The following KLRG1 variants were observed in gnomAD, a reference collection of about 807,000 sequenced individuals.
KLRG1 encodes the protein killer cell lectin-like receptor subfamily G member 1.
KLRG1 carries 16 observed loss-of-function variants against 21.8 expected under a neutral mutation model. The ratio of observed to expected loss-of-function variants is 0.73; its 90% confidence interval spans 0.50 to 1.11. KLRG1 has a LOEUF of 1.11. Among genes scored for constraint, KLRG1 ranks in the 50% most tolerant of loss-of-function variants. The pLI is 0.00. For synonymous variants in KLRG1, 69 were observed against 75.9 expected (o/e 0.91, Z 0.47); for missense variants, 173 against 218.3 (o/e 0.79, Z 1.31).
chr12:9,123,417 C>T, the KLRG1 span, among the ~76,000 whole-genome samples: 1 of 152,028 alleles, frequency 6.6e-6, no homozygotes, highest in Non-Finnish European at 1.5e-5. Flanking sequence ...ATTATTTGAA[C>T]ATAAGCCCTG....
chr12:8,990,438 T>G (rs955541597), intron 1 of KLRG1: 6 of 152,126 alleles, frequency 3.9e-5, no homozygotes, highest in Non-Finnish European at 2.9e-5. Flanking sequence ...TCCCTAAGCT[T>G]TCTCTCTTTT....
the KLRG1 span, among the ~76,000 whole-genome samples, chr12:9,075,048 C>A: frequency 2.0e-5 from 3 of 152,130 alleles, no homozygotes; most frequent in Non-Finnish European, 2.9e-5. Flanking sequence ...AAAGAAATGG[C>A]ACAGCAGTTG....
At chr12:9,210,163 G>A in the KLRG1 span, among the ~76,000 whole-genome samples, 1 of 152,044 alleles carries the variant, frequency 6.6e-6, no homozygotes, top group East Asian at 1.9e-4. Context: ...ACATGGATTT[G>A]AATACCCATC....
At chr12:9,098,818 G>T in the KLRG1 span, 2 of 1,561,494 alleles carry the variant, frequency 1.3e-6, no homozygotes, top group Non-Finnish European at 1.7e-6. Flanking sequence ...GCATTCACTC[G>T]CATTTGCAGA....
At position 9,009,523 on chromosome 12, in the gene KLRG1, A is replaced by G. The variant is rs1947583484; in HGVS notation, c.556A>G (p.Lys186Glu). ...AGTTCCTTTACACTGGGTGTGTAAGAAGGTCAGACTTTGATAGATGACCAC... is the reference window on the plus strand; with the variant it reads ...AGTTCCTTTACACTGGGTGTGTAAGGAGGTCAGACTTTGATAGATGACCAC... ...CEVPLHWVCK[K>E]VRL The change falls in exon 5 of 5, where the codon AAG becomes GAG. Residue 186 changes from lysine (K) to glutamate (E), a missense_variant. Around this residue, in one of 3 missense-constraint regions of KLRG1, gnomAD observed 26 missense variants for 36.9 expected, o/e 0.70. Coordinates refer to ENST00000356986, the MANE Select transcript of KLRG1 (RefSeq NM_005810.4). 6.2e-7 allele frequency: 1 copy of G among 1,613,900 alleles called. No individual in the cohort carries two copies. The highest frequency in any genetic ancestry group is 8.5e-7 in the Non-Finnish European group (1 of 1,179,880).
the KLRG1 span, among the ~76,000 whole-genome samples, chr12:9,174,561 C>G: frequency 1.3e-5 from 2 of 152,086 alleles, no homozygotes; most frequent in African/African-American, 4.8e-5. Flanking sequence ...TCTAGAAAAC[C>G]CCATTATCTC....
At chr12:9,029,735 T>C in the KLRG1 span, among the ~76,000 whole-genome samples, 3 of 152,204 alleles carry the variant, frequency 2.0e-5, no homozygotes, top group African/African-American at 7.2e-5. Context: ...CAAAATTTTT[T>C]TCTAATAAGT....
At chr12:8,981,514 G>A (rs746689699) in intron 1 of KLRG1, among the ~76,000 whole-genome samples, 1 of 151,420 alleles carries the variant, frequency 6.6e-6, no homozygotes, top group African/African-American at 2.4e-5. Context: ...TTACCCATGG[G>A]TTATTCTTCA....
chr12:9,008,135 T>C (rs1006199483), intron 3 of KLRG1, among the ~76,000 whole-genome samples: 3 of 152,130 alleles, frequency 2.0e-5, no homozygotes, highest in African/African-American at 4.8e-5. Flanking sequence ...ACATACAAGA[T>C]TGATGAGGAT....
At chr12:9,001,239 A>C (rs1022902360) in intron 3 of KLRG1, among the ~76,000 whole-genome samples, 1 of 152,182 alleles carries the variant, frequency 6.6e-6, no homozygotes, top group Non-Finnish European at 1.5e-5. Flanking sequence ...CTGTATTGTA[A>C]ATTTTTTTCA....
At chr12:9,154,633 C>A in the KLRG1 span, 1 of 1,614,110 alleles carries the variant, frequency 6.2e-7, no homozygotes. Context: ...GAGGAGAAAC[C>A]ACCTTGGGCG....
the KLRG1 span, chr12:9,165,482 G>C: frequency 8.4e-7 from 1 of 1,185,902 alleles, no homozygotes; most frequent in Non-Finnish European, 1.2e-6. Flanking sequence ...AAGGGTATAT[G>C]CGAGTGTGCA....
the KLRG1 span, chr12:9,091,161 G>A: frequency 4.4e-6 from 7 of 1,591,236 alleles, no homozygotes; most frequent in Non-Finnish European, 5.2e-6. Context: ...TAATTTACTT[G>A]ATGGCTACCT....
the KLRG1 span, among the ~76,000 whole-genome samples, chr12:9,148,267 A>G: frequency 2.6e-5 from 4 of 152,176 alleles, no homozygotes; most frequent in African/African-American, 9.7e-5. Flanking sequence ...CAAGAATACA[A>G]TATGGTTAAC....
chr12:9,111,612 A>G, the KLRG1 span: 1 of 441,418 alleles, frequency 2.3e-6, no homozygotes. Flanking sequence ...TTGTCTTTGG[A>G]GCTAGAAGAG....
At chr12:8,990,907 TAA>T (rs1266675998) in intron 1 of KLRG1, among the ~76,000 whole-genome samples, 1 of 152,198 alleles carries the variant, frequency 6.6e-6, no homozygotes, top group Non-Finnish European at 1.5e-5. Context: ...AATGTATTTT[TAA>T]AAGTTTTTCT....
the KLRG1 span, chr12:9,168,499 GTCA>G: frequency 5.6e-6 from 1 of 178,596 alleles, no homozygotes; most frequent in Admixed American, 6.1e-5. Context: ...GTTGTTTCTT[GTCA>G]CCAGTGAAGC....
At chr12:9,079,657 T>C in the KLRG1 span, 3 of 1,613,350 alleles carry the variant, frequency 1.9e-6, no homozygotes, top group African/African-American at 1.3e-5. Flanking sequence ...AGATAGCCAA[T>C]GGCCTTGGAC....
At chr12:9,010,969 T>C (rs1460105461), downstream of KLRG1, among the ~76,000 whole-genome samples, 2 of 152,160 alleles carry the variant, frequency 1.3e-5, no homozygotes, top group Non-Finnish European at 2.9e-5. Flanking sequence ...TCCCTTTGGT[T>C]CTGGTGCAGG....
Sources: allele counts gnomAD v4.1 joint callset (sites outside exome capture counted in the v4.1 genomes callset), GRCh38; gene constraint gnomAD v4.1.1; regional missense constraint gnomAD v4.1.1; transcripts MANE v1.5; gene names NCBI Gene and HGNC (gene_info 2026-07-23, HGNC 2026-07-21).